The following GRIK1 variants were observed in gnomAD, a reference collection of about 807,000 sequenced individuals.
GRIK1 encodes glutamate ionotropic receptor kainate type subunit 1.
A neutral mutation model predicts 105.7 loss-of-function variants in GRIK1; 69 were observed. The observed-to-expected ratio is 0.65, with a 90% CI of 0.54 to 0.80. The LOEUF (loss-of-function observed/expected upper bound fraction) is 0.80, where lower values mean the gene tolerates loss of function less well. Ranked by LOEUF, GRIK1 falls within the 30% of genes least tolerant of loss-of-function variation. GRIK1 has a pLI of 0.00. For missense variants in GRIK1, 1,109 were observed against 1,167.3 expected, an observed-to-expected ratio of 0.95 and a Z score of 0.73; for synonymous variants, 438 against 431.3, an observed-to-expected ratio of 1.02 and a Z score of -0.19.
chr21:29,803,184 A>G (rs1601736475), intron 1 of GRIK1, among the ~76,000 whole-genome samples: 1 of 152,230 alleles, frequency 6.6e-6, no homozygotes, highest in East Asian at 1.9e-4. Flanking sequence ...CGGCTGTTCC[A>G]TGTTCTTCTA....
intron 1 of GRIK1, among the ~76,000 whole-genome samples, chr21:29,817,390 A>T (rs532702528): frequency 2.0e-5 from 3 of 152,244 alleles, no homozygotes; most frequent in East Asian, 3.9e-4. Context: ...AAATTTTGTG[A>T]TTTCATGATC....
At chr21:29,763,382 A>AG (rs72551940) in intron 1 of GRIK1, among the ~76,000 whole-genome samples, 6,450 of 13,024 alleles carry the variant, frequency 0.5, 199 homozygotes, top group Non-Finnish European at 0.5. Context: ...AAATTACCCC[A>AG]TTCAGGCATT....
intron 6 of GRIK1, among the ~76,000 whole-genome samples, chr21:29,649,069 C>T (rs363524): frequency 0.12 from 18,042 of 152,136 alleles, 1,106 homozygotes; most frequent in East Asian, 0.22. Context: ...GAGGTCCTTT[C>T]GTGCCCTTCA....
chr21:29,741,470 A>G (rs1454301525), intron 1 of GRIK1, among the ~76,000 whole-genome samples: 4 of 152,184 alleles, frequency 2.6e-5, no homozygotes, highest in East Asian at 1.9e-4. Context: ...TGTAGCTGCT[A>G]TTTAGTATCT....
intron 12 of GRIK1, among the ~76,000 whole-genome samples, chr21:29,585,826 A>G (rs2091118656): frequency 6.6e-6 from 1 of 152,350 alleles, no homozygotes; most frequent in Middle Eastern, 3.4e-3. Flanking sequence ...ATTTATTTTT[A>G]AAAATTTTAT....
At chr21:29,655,651 A>G (rs892113474) in intron 4 of GRIK1, among the ~76,000 whole-genome samples, 12 of 152,194 alleles carry the variant, frequency 7.9e-5, no homozygotes, top group Non-Finnish European at 5.9e-5. Context: ...ATGAATGAGT[A>G]TATCTCTGAA....
chr21:29,777,181 T>G (rs1033157578), intron 1 of GRIK1, among the ~76,000 whole-genome samples: 1 of 152,166 alleles, frequency 6.6e-6, no homozygotes, highest in Non-Finnish European at 1.5e-5. Context: ...GTGTCAGTAC[T>G]GGGTGACTCT....
intron 3 of GRIK1, among the ~76,000 whole-genome samples, chr21:29,676,167 T>A (rs183903922): frequency 5.9e-5 from 9 of 152,312 alleles, no homozygotes; most frequent in Admixed American, 1.3e-4. Context: ...CTAATTGGAA[T>A]AAATTTATCT....
In GRIK1 at chr21:29,654,018, G is replaced by A. The variant is rs904555908; in HGVS notation, c.780+792C>T. Among the ~76,000 whole-genome samples, 4 of 152,270 alleles carry A rather than the reference G, an allele frequency of 2.6e-5. No individual in the cohort carries two copies. The East Asian group carries it at 7.7e-4, about 29-fold the overall frequency. On this transcript the variant is annotated intron_variant, in intron 5 of 17. Transcript: ENST00000327783. The stretch of plus-strand genomic sequence containing the variant: ...CTTGTCAGCTGAATTTGCTAAAATG[G>A]CACTGTTACTGACCCCCCCAGAATC...
In GRIK1 at chr21:29,545,845, CACCTT is replaced by C. The variant is rs201977200; in HGVS notation, c.2608-7966_2608-7962del. On this transcript the variant is annotated intron_variant, in intron 16 of 17. Transcript: ENST00000327783. Reference sequence around the variant, plus strand: ...TGATACTATTTAAAAAAATAGAACTCACCTTAGCTTAGAGGTTCCCCATCTGCTAG... The same window carrying C: ...TGATACTATTTAAAAAAATAGAACTCAGCTTAGAGGTTCCCCATCTGCTAG... Among the ~76,000 whole-genome samples the C allele has an allele frequency of 2.1e-3, 326 of 151,926 alleles. 1 individual carries two copies. Among genetic ancestry groups the C allele is most frequent in the African/African-American group, 5.5e-3 (230 of 41,512 alleles).
intron 12 of GRIK1, among the ~76,000 whole-genome samples, chr21:29,582,811 A>G (rs1361538761): frequency 6.6e-6 from 1 of 152,154 alleles, no homozygotes; most frequent in Non-Finnish European, 1.5e-5. Flanking sequence ...GGAGTGTTAG[A>G]GTAATGTTAA....
intron 1 of GRIK1, among the ~76,000 whole-genome samples, chr21:29,794,093 T>C (rs1031044386): frequency 2.0e-5 from 3 of 152,130 alleles, no homozygotes; most frequent in African/African-American, 7.3e-5. Flanking sequence ...CTGATTTTAC[T>C]TCAAAAAGTG....
intron 1 of GRIK1, among the ~76,000 whole-genome samples, chr21:29,854,733 T>C (rs1569162182): frequency 6.6e-6 from 1 of 152,154 alleles, no homozygotes; most frequent in East Asian, 1.9e-4. Context: ...ATCATGATGG[T>C]TCAAGGATCC....
chr21:29,913,536 G>C (rs965877703), intron 1 of GRIK1, among the ~76,000 whole-genome samples: 1 of 151,720 alleles, frequency 6.6e-6, no homozygotes, highest in African/African-American at 2.4e-5. Context: ...CATTTCTTAT[G>C]CTTAAGCATG....
chr21:29,609,766 C>T (rs758549108), intron 7 of GRIK1, among the ~76,000 whole-genome samples: 6 of 152,162 alleles, frequency 3.9e-5, no homozygotes, highest in Non-Finnish European at 8.8e-5. Context: ...ATTACACCAT[C>T]TGCTTTTCTG....
At chr21:29,686,399 A>G (rs1187964427) in intron 3 of GRIK1, among the ~76,000 whole-genome samples, 1 of 152,226 alleles carries the variant, frequency 6.6e-6, no homozygotes, top group Admixed American at 6.5e-5. Context: ...TGAGGAAGCC[A>G]GGAGGGCCAG....
rs7278163 is a variant in GRIK1, at chr21:29,638,834, A to G, written c.1098+3992T>C. ...TTTGATGGTAGCTATCCTTCATTAA[A>G]CAATCACTACATGACAAATATTTTG... On this transcript the variant is annotated intron_variant, in intron 7 of 17. Transcript: ENST00000327783. Among the ~76,000 whole-genome samples, 703 of 152,356 alleles carry G rather than the reference A, an allele frequency of 4.6e-3. 5 individuals carry two copies. The highest frequency in any genetic ancestry group is 0.016 in the African/African-American group (668 of 41,584).
At chr21:29,786,903 C>T (rs1164092516) in intron 1 of GRIK1, among the ~76,000 whole-genome samples, 2 of 152,010 alleles carry the variant, frequency 1.3e-5, no homozygotes, top group East Asian at 1.9e-4. Context: ...TGATGGATAG[C>T]CTTGCTTTGA....
intron 7 of GRIK1, among the ~76,000 whole-genome samples, chr21:29,618,975 A>C (rs1214190780): frequency 6.6e-6 from 1 of 150,902 alleles, no homozygotes; most frequent in Non-Finnish European, 1.5e-5. Flanking sequence ...AAAATACAAA[A>C]ATTAGCCAGG....
Sources: allele counts gnomAD v4.1 joint callset (sites outside exome capture counted in the v4.1 genomes callset), GRCh38; gene constraint gnomAD v4.1.1; transcripts MANE v1.5; gene names NCBI Gene and HGNC (gene_info 2026-07-23, HGNC 2026-07-21).